Variants in PTGFRN observed in about 807,000 individuals in gnomAD.
The protein encoded by PTGFRN is prostaglandin F2 receptor inhibitor.
PTGFRN carries 35 observed loss-of-function variants against 83.2 expected under a neutral mutation model. The ratio of observed to expected loss-of-function variants is 0.42; its 90% confidence interval spans 0.32 to 0.56. The LOEUF is 0.56. Ranked by LOEUF, PTGFRN falls within the 20% of genes least tolerant of loss-of-function variation. The pLI is 0.11. For missense variants in PTGFRN, 1,051 were observed against 1,179.5 expected, an observed-to-expected ratio of 0.89 and a Z score of 1.60; for synonymous variants, 519 against 498.6, an observed-to-expected ratio of 1.04 and a Z score of -0.55.
At chr1:116,979,315 A>C (rs1651244282) in intron 7 of PTGFRN, among the ~76,000 whole-genome samples, 1 of 152,224 alleles carries the variant, frequency 6.6e-6, no homozygotes, top group Non-Finnish European at 1.5e-5. Context: ...TTATAGATTC[A>C]ATGCCATCCC....
chr1:116,912,855 C>G (rs1649305096), intron 1 of PTGFRN, among the ~76,000 whole-genome samples: 1 of 152,206 alleles, frequency 6.6e-6, no homozygotes, highest in African/African-American at 2.4e-5. Flanking sequence ...TACTTCTCAC[C>G]TCTTGCCTGC....
At chr1:116,960,715 C>T (rs753209626) in intron 4 of PTGFRN, among the ~76,000 whole-genome samples, 2 of 152,144 alleles carry the variant, frequency 1.3e-5, no homozygotes, top group East Asian at 1.9e-4. Context: ...GGAATGATGA[C>T]CTGAGGGCCT....
intron 1 of PTGFRN, among the ~76,000 whole-genome samples, chr1:116,911,900 C>CT (rs1161571028): frequency 1.3e-5 from 2 of 152,192 alleles, no homozygotes; most frequent in Non-Finnish European, 2.9e-5. Context: ...CATTAATTGA[C>CT]TTTATGTGTC....
rs915791229 is a variant in PTGFRN, at chr1:116,990,099, A to G, written c.*3132A>G. ...GAAGAAGGGAACTGGGATTTGGGTA[A>G]GTTCTCCTCCACTGTTTGACCAAAT... On this transcript the variant is annotated 3_prime_UTR_variant, in exon 9 of 9. Coordinates refer to ENST00000393203, the MANE Select transcript of PTGFRN (RefSeq NM_020440.4). The G allele has an allele frequency of 2.0e-5, 3 of 152,666 alleles. No homozygotes were observed. The highest frequency in any genetic ancestry group is 2.9e-5 in the Non-Finnish European group (2 of 68,038). 9.5% of individuals were successfully genotyped at this position (152,666 alleles called of 1,614,324 possible).
At chr1:116,955,960 C>T (rs1650475294) in intron 4 of PTGFRN, among the ~76,000 whole-genome samples, 2 of 152,158 alleles carry the variant, frequency 1.3e-5, no homozygotes, top group South Asian at 4.1e-4. Flanking sequence ...AGGAGGCATT[C>T]TCCGTTGAGT....
Position 116,923,291 on chromosome 1 carries a change from A to G in PTGFRN, c.49+13039A>G, listed in dbSNP as rs1360731865. ...GACGTTAAGTTATAACAGGGGCAGA[A>G]GATATCTATGTGTCCTTTTTACTAT... On this transcript the variant is annotated intron_variant, in intron 1 of 8. Transcript: ENST00000393203. This position sits in a 1 kb window ranked among gnomAD's most constrained non-coding sequence, Gnocchi z 4.0. Among the ~76,000 whole-genome samples the G allele has an allele frequency of 6.6e-6, 1 of 152,204 alleles. No homozygotes were observed. Among genetic ancestry groups the G allele is most frequent in the Non-Finnish European group, 1.5e-5 (1 of 68,032 alleles).
chr1:116,972,913 G>GT (rs1249236215), intron 6 of PTGFRN, among the ~76,000 whole-genome samples: 3 of 152,010 alleles, frequency 2.0e-5, no homozygotes, highest in Non-Finnish European at 4.4e-5. Context: ...TTTGGGTAGG[G>GT]TTTTTTTGTT....
At chr1:116,982,479 A>G (rs1461707331) in intron 7 of PTGFRN, among the ~76,000 whole-genome samples, 1 of 152,108 alleles carries the variant, frequency 6.6e-6, no homozygotes, top group Non-Finnish European at 1.5e-5. Flanking sequence ...TTGTGGGCCA[A>G]GGTCCTCTGT....
chr1:116,927,551 G>T (rs1399280422), intron 1 of PTGFRN, among the ~76,000 whole-genome samples: 1 of 114,326 alleles, frequency 8.7e-6, no homozygotes, highest in African/African-American at 9.6e-5. Context: ...TTTTGATACA[G>T]GGTCTCGACC....
chr1:116,953,487 A>C (rs1357617465), intron 4 of PTGFRN, among the ~76,000 whole-genome samples: 1 of 151,812 alleles, frequency 6.6e-6, no homozygotes, highest in Non-Finnish European at 1.5e-5. Context: ...AACATTTCCA[A>C]GTAAGTTTTG....
At chr1:116,959,591 G>A (rs553170674) in intron 4 of PTGFRN, among the ~76,000 whole-genome samples, 4 of 152,328 alleles carry the variant, frequency 2.6e-5, no homozygotes, top group African/African-American at 9.6e-5. Context: ...TCAAGGTGAT[G>A]CAGATAAAGA....
chr1:116,912,551 T>C (rs1376028093), intron 1 of PTGFRN, among the ~76,000 whole-genome samples: 4 of 152,238 alleles, frequency 2.6e-5, no homozygotes, highest in Non-Finnish European at 5.9e-5. Flanking sequence ...AGCTTCTTTC[T>C]TTCCTTCCTG....
chr1:116,939,026 C>T (rs905144454), intron 1 of PTGFRN, among the ~76,000 whole-genome samples: 2 of 152,270 alleles, frequency 1.3e-5, no homozygotes, highest in Non-Finnish European at 2.9e-5. Context: ...TTCCCATGGT[C>T]TTGGGCAGGC....
intron 1 of PTGFRN, among the ~76,000 whole-genome samples, chr1:116,924,864 G>A (rs1649616488): frequency 6.6e-6 from 1 of 152,206 alleles, no homozygotes; most frequent in Admixed American, 6.5e-5. Flanking sequence ...CAGGCATGCT[G>A]CTGGGCTGGG....
chr1:116,941,597 AGTT>A lies in PTGFRN; in HGVS notation c.50-117_50-115del. On this transcript the variant is annotated intron_variant, in intron 1 of 8. Coordinates refer to ENST00000393203, the MANE Select transcript of PTGFRN (RefSeq NM_020440.4). This position sits in a 1 kb window ranked among gnomAD's most constrained non-coding sequence, Gnocchi z 5.0. Reference sequence around the variant, plus strand: ...TCTGCATAGATACATTTTCCCTAGTAGTTTGGCTGTCACGTTTCTGCCATGCCT... The same window carrying A: ...TCTGCATAGATACATTTTCCCTAGTATGGCTGTCACGTTTCTGCCATGCCT... The A allele has an allele frequency of 7.5e-7, 1 of 1,341,722 alleles. No individual in the cohort carries two copies. Among genetic ancestry groups the A allele is most frequent in the Admixed American group, 2.2e-5 (1 of 44,838 alleles). 83.1% of individuals were successfully genotyped at this position (1,341,722 alleles called of 1,614,324 possible). A position where few individuals can be genotyped will look rare whatever the true frequency, so the allele number is the denominator to read the frequency against.
chr1:116,964,035 C>T (rs557014271), intron 5 of PTGFRN, among the ~76,000 whole-genome samples: 13 of 152,022 alleles, frequency 8.6e-5, no homozygotes, highest in African/African-American at 9.7e-5. Context: ...CTGCCTTAGT[C>T]GCCCGAAGTG....
intron 1 of PTGFRN, among the ~76,000 whole-genome samples, chr1:116,910,457 C>T (rs1649237829): frequency 6.6e-6 from 1 of 151,032 alleles, no homozygotes; most frequent in Non-Finnish European, 1.5e-5. Flanking sequence ...CGCTCGGGCC[C>T]CGCGCGCGGG....
At chr1:116,969,592 T>G (rs1173184955) in intron 6 of PTGFRN, among the ~76,000 whole-genome samples, 1 of 152,182 alleles carries the variant, frequency 6.6e-6, no homozygotes, top group African/African-American at 2.4e-5. Flanking sequence ...GCCTGGTACA[T>G]CCATGTGACT....
intron 4 of PTGFRN, among the ~76,000 whole-genome samples, chr1:116,954,813 T>C (rs1439339088): frequency 6.6e-6 from 1 of 152,222 alleles, no homozygotes; most frequent in Non-Finnish European, 1.5e-5. Flanking sequence ...TGTTTTTCAT[T>C]TGGAAATGTA....
Sources: gnomAD v4.1 joint callset for allele counts (sites outside exome capture counted in the v4.1 genomes callset) on GRCh38, gnomAD v4.1.1 for gene constraint, Gnocchi (gnomAD v3.1) non-coding constraint, MANE v1.5 for transcripts, NCBI Gene and HGNC (gene_info 2026-07-23, HGNC 2026-07-21) for gene names.